Variants in C12orf56 observed in about 807,000 individuals in gnomAD.
C12orf56 encodes the protein chromosome 12 open reading frame 56.
C12orf56 carries 71 observed loss-of-function variants against 69.9 expected under a neutral mutation model. The ratio of observed to expected loss-of-function variants is 1.02; its 90% confidence interval spans 0.84 to 1.24. The LOEUF is 1.24. Ranked by LOEUF, C12orf56 falls within the 50% of genes most tolerant of loss-of-function variation. The pLI is 0.00. For missense variants in C12orf56, 732 were observed against 738.5 expected (o/e 0.99, Z 0.10); for synonymous variants, 276 against 274.1 (o/e 1.01, Z -0.07).
At chr12:64,368,252 G>A (rs958253439) in intron 1 of C12orf56, among the ~76,000 whole-genome samples, 1 of 152,102 alleles carries the variant, frequency 6.6e-6, no homozygotes, top group Admixed American at 6.6e-5. Context: ...ATAGGCGTGA[G>A]CCACCATGCC....
intron 8 of C12orf56, among the ~76,000 whole-genome samples, chr12:64,282,541 GA>G (rs2136761635): frequency 6.8e-5 from 1 of 14,706 alleles, no homozygotes; most frequent in African/African-American, 7.5e-5. Flanking sequence ...TTGGGGGTAA[GA>G]GGGGGCAGAT....
chr12:64,365,076 A>G (rs1450306816), intron 1 of C12orf56, among the ~76,000 whole-genome samples: 2 of 152,110 alleles, frequency 1.3e-5, no homozygotes, highest in African/African-American at 4.8e-5. Context: ...ACATTCATTG[A>G]ACACTCATTA....
Position 64,331,002 on chromosome 12 carries a change from CA to C in C12orf56, c.445del (p.Trp149GlyfsTer9). ...VKEEKNGLAFWRSKESRSLKE... is the reference protein window; with the variant it reads ...VKEEKNGLAFXRSKESRSLKE... The stretch of plus-strand genomic sequence containing the variant: ...CAGACTTCTGGACTCTTTGCTTCTC[CA>C]AAAGGCAAGGCCGTTCTTTTCTTCC... On this transcript the variant is annotated frameshift_variant, in exon 3 of 13. Coordinates refer to ENST00000543942, the MANE Select transcript of C12orf56 (RefSeq NM_001170633.2). LOFTEE classifies it high-confidence loss of function. The C allele has an allele frequency of 6.4e-7, 1 of 1,554,804 alleles. No individual in the cohort carries two copies. Among genetic ancestry groups the C allele is most frequent in the Non-Finnish European group, 8.7e-7 (1 of 1,148,618 alleles).
intron 3 of C12orf56, among the ~76,000 whole-genome samples, chr12:64,328,462 T>A (rs902868361): frequency 6.6e-6 from 1 of 151,700 alleles, no homozygotes; most frequent in African/African-American, 2.4e-5. Flanking sequence ...AGACAAATCA[T>A]GAGGTCAGGA....
At chr12:64,352,089 T>G (rs972846393) in intron 2 of C12orf56, among the ~76,000 whole-genome samples, 2 of 109,002 alleles carry the variant, frequency 1.8e-5, no homozygotes, top group African/African-American at 6.6e-5. Context: ...GTTTTTTTGT[T>G]TTTGTTTTTG....
At chr12:64,333,092 G>A (rs1347239450) in intron 2 of C12orf56, among the ~76,000 whole-genome samples, 1 of 152,168 alleles carries the variant, frequency 6.6e-6, no homozygotes, top group African/African-American at 2.4e-5. Flanking sequence ...GAATTAGGTG[G>A]AAGCACTTAT....
At chr12:64,379,605 A>G (rs1331830413) in intron 1 of C12orf56, among the ~76,000 whole-genome samples, 2 of 151,740 alleles carry the variant, frequency 1.3e-5, no homozygotes, top group Non-Finnish European at 2.9e-5. Flanking sequence ...TTTTCATACT[A>G]TTCTATTCAA....
chr12:64,310,022 A>G (rs61931480), intron 5 of C12orf56, among the ~76,000 whole-genome samples: 1 of 149,678 alleles, frequency 6.7e-6, no homozygotes, highest in African/African-American at 2.5e-5. Flanking sequence ...TTTTTTTTAA[A>G]TCTCTTTTTC....
intron 4 of C12orf56, among the ~76,000 whole-genome samples, chr12:64,316,510 G>T (rs2038693688): frequency 6.6e-6 from 1 of 152,052 alleles, no homozygotes; most frequent in Non-Finnish European, 1.5e-5. Context: ...TCAGCCTCTG[G>T]AGTAACTAGT....
chr12:64,287,079 A>C (rs1252625147), intron 6 of C12orf56, among the ~76,000 whole-genome samples: 1 of 152,026 alleles, frequency 6.6e-6, no homozygotes, highest in Non-Finnish European at 1.5e-5. Flanking sequence ...TCTACTAAAA[A>C]TACAAAAATT....
At position 64,275,286 on chromosome 12, in the gene C12orf56, T is replaced by A. The variant is rs571054246; in HGVS notation, c.1509+12A>T. 4 of 1,272,590 alleles carry A rather than the reference T, an allele frequency of 3.1e-6. No individual in the cohort carries two copies. Among genetic ancestry groups the A allele is most frequent in the East Asian group, 2.6e-5 (1 of 37,952 alleles). The allele number at this position is 1,272,590 out of a possible 1,614,324, so 78.8% of individuals were successfully genotyped here. A position where few individuals can be genotyped will look rare whatever the true frequency, so the allele number is the denominator to read the frequency against. On this transcript the variant is annotated intron_variant, in intron 10 of 12. Transcript: ENST00000543942. The stretch of plus-strand genomic sequence containing the variant: ...ATAAAATATGTAAAAATATAATTTT[T>A]AAAAATTGTACCTGCTGAAAGACCA...
intron 1 of C12orf56, among the ~76,000 whole-genome samples, chr12:64,366,081 GTATAATATATAGTTTATATATTATA>G (rs2039472559): frequency 1.8e-5 from 2 of 112,236 alleles, no homozygotes; most frequent in Non-Finnish European, 3.3e-5. Flanking sequence ...TATATAGTTT[GTATAATATATAGTTTATATATTATA>G]TATAATATAT....
At chr12:64,380,104 CAAAAAAAAAAAAAAAA>C (rs60079906) in intron 1 of C12orf56, among the ~76,000 whole-genome samples, 1 of 49,980 alleles carries the variant, frequency 2.0e-5, no homozygotes, top group African/African-American at 1.1e-4. Flanking sequence ...GACTCCGTCG[CAAAAAAAAAAAAAAAA>C]AAAAAAAAAA....
chr12:64,360,538 A>T (rs1328864738), intron 1 of C12orf56, among the ~76,000 whole-genome samples: 1 of 152,220 alleles, frequency 6.6e-6, no homozygotes, highest in Non-Finnish European at 1.5e-5. Flanking sequence ...ATAGATAGAT[A>T]GATAGGATAT....
intron 2 of C12orf56, among the ~76,000 whole-genome samples, chr12:64,332,278 G>A (rs550532544): frequency 2.7e-5 from 4 of 147,012 alleles, no homozygotes; most frequent in African/African-American, 1.0e-4. Flanking sequence ...ACTTCAGCCT[G>A]GGTGAAAGAG....
At chr12:64,270,074 A>T (rs1012331918) in intron 12 of C12orf56, among the ~76,000 whole-genome samples, 1 of 152,000 alleles carries the variant, frequency 6.6e-6, no homozygotes, top group Non-Finnish European at 1.5e-5. Context: ...AAATCCTACC[A>T]TTTTCACAGA....
chr12:64,281,080 C>T (rs1163356344), intron 8 of C12orf56, among the ~76,000 whole-genome samples: 3 of 151,822 alleles, frequency 2.0e-5, no homozygotes, highest in Admixed American at 2.0e-4. Context: ...TCAAGACCAG[C>T]CTGACTAACA....
intron 5 of C12orf56, among the ~76,000 whole-genome samples, chr12:64,306,754 A>T (rs1477882816): frequency 6.6e-6 from 1 of 152,118 alleles, no homozygotes; most frequent in Non-Finnish European, 1.5e-5. Context: ...ATAATACCTC[A>T]CATTTGTAAA....
intron 4 of C12orf56, 54 bp from the exon 5 acceptor site, chr12:64,312,806 T>A: frequency 8.0e-7 from 1 of 1,257,180 alleles, no homozygotes. Context: ...GAAGATCAAT[T>A]CCCCCTACCT....
Sources: gnomAD v4.1 joint callset for allele counts (sites outside exome capture counted in the v4.1 genomes callset) on GRCh38, gnomAD v4.1.1 for gene constraint, MANE v1.5 for transcripts, NCBI Gene and HGNC (gene_info 2026-07-23, HGNC 2026-07-21) for gene names.